CNTN4: variants seen among roughly 807,000 people sequenced by gnomAD.
CNTN4 encodes contactin-4.
A neutral mutation model predicts 122.5 loss-of-function variants in CNTN4; 77 were observed. The observed-to-expected ratio is 0.63, with a 90% CI of 0.52 to 0.76. CNTN4 has a LOEUF of 0.76. Among genes scored for constraint, CNTN4 ranks in the 30% least tolerant of loss-of-function variants. CNTN4 has a pLI of 0.00. For missense variants in CNTN4, 1,256 were observed against 1,259.1 expected, an observed-to-expected ratio of 1.00 and a Z score of 0.04; for synonymous variants, 512 against 447.0, an observed-to-expected ratio of 1.15 and a Z score of -1.83.
rs770730228 is a variant in CNTN4 at position 3,040,068 on chromosome 3, G to C, written c.2195G>C (p.Gly732Ala). 9.3e-6 allele frequency: 15 copies of C among 1,613,940 alleles called. No individual in the cohort carries two copies. The highest frequency in any genetic ancestry group is 1.3e-5 in the African/African-American group (1 of 74,940). The change falls in exon 20 of 25, where the codon GGC (glycine) becomes GCC (alanine). Residue 732 changes from glycine to alanine, a missense_variant. Physicochemically the swap from Gly to Ala is moderately conservative, Grantham distance 60. Transcript: ENST00000418658. ...CCTGAGGAATTACAGAATGGTCGAG[G>C]CTTTGGTTATGTGGTGGCCTTCCGG... Reference protein sequence around the residue: ...TVPEELQNGRGFGYVVAFRPY... With the variant: ...TVPEELQNGRAFGYVVAFRPY...
intron 3 of CNTN4, among the ~76,000 whole-genome samples, chr3:2,365,107 T>G (rs1026903436): frequency 6.6e-6 from 1 of 152,180 alleles, no homozygotes; most frequent in Non-Finnish European, 1.5e-5. Context: ...AATTTTTTTT[T>G]TATGATGACA....
rs2037196211 is a variant in CNTN4 at position 2,185,266 on chromosome 3, T to A, written c.-145+84627T>A. On this transcript the variant is annotated intron_variant, in intron 2 of 24. Coordinates refer to ENST00000418658, the MANE Select transcript of CNTN4 (RefSeq NM_175607.3). Reference sequence around the variant, plus strand: ...GAGTCTGTCTTCTTTGGGGCAGAAATGGGGACACATTGCTCACCACGGTCT... The same window carrying A: ...GAGTCTGTCTTCTTTGGGGCAGAAAAGGGGACACATTGCTCACCACGGTCT... Among the ~76,000 whole-genome samples, 3 of 152,172 alleles carry A rather than the reference T, an allele frequency of 2.0e-5. No individual in the cohort carries two copies. The South Asian group carries it at 6.2e-4, about 32-fold the overall frequency.
chr3:2,369,058 G>T (rs770868978), intron 3 of CNTN4, among the ~76,000 whole-genome samples: 2 of 152,044 alleles, frequency 1.3e-5, no homozygotes, highest in Admixed American at 1.3e-4. Context: ...CGAGTAGCTG[G>T]GATTACAGGC....
intron 3 of CNTN4, among the ~76,000 whole-genome samples, chr3:2,459,193 C>A (rs1037131002): frequency 6.6e-6 from 1 of 152,096 alleles, no homozygotes; most frequent in African/African-American, 2.4e-5. Context: ...TAACACTTTC[C>A]TAGGAAGATC....
intron 7 of CNTN4, among the ~76,000 whole-genome samples, chr3:2,857,544 G>A (rs186088440): frequency 6.6e-6 from 1 of 152,136 alleles, no homozygotes; most frequent in East Asian, 1.9e-4. Context: ...CTGGTTTGAT[G>A]GTTTGATCAC....
At chr3:2,509,901 T>C (rs984935824) in intron 3 of CNTN4, among the ~76,000 whole-genome samples, 3 of 152,178 alleles carry the variant, frequency 2.0e-5, no homozygotes, top group Non-Finnish European at 4.4e-5. Flanking sequence ...CCCAGAGCTC[T>C]TCTGATTGGC....
intron 4 of CNTN4, among the ~76,000 whole-genome samples, chr3:2,575,624 G>A (rs372353419): frequency 2.9e-4 from 44 of 152,156 alleles, no homozygotes; most frequent in South Asian, 1.7e-3. Context: ...AGGACCCACC[G>A]TCTAACCTTC....
At chr3:2,817,482 A>C (rs570889327) in intron 6 of CNTN4, among the ~76,000 whole-genome samples, 23 of 152,362 alleles carry the variant, frequency 1.5e-4, no homozygotes, top group Admixed American at 3.3e-4. Context: ...TACCAGATTA[A>C]TGAGATACAC....
intron 2 of CNTN4, among the ~76,000 whole-genome samples, chr3:2,185,430 T>C (rs1035808128): frequency 2.6e-5 from 4 of 152,176 alleles, no homozygotes; most frequent in Non-Finnish European, 5.9e-5. Flanking sequence ...GGCTCTAAAT[T>C]AGTATCCCAG....
intron 3 of CNTN4, among the ~76,000 whole-genome samples, chr3:2,346,151 T>G (rs3856838): frequency 2.0e-5 from 3 of 151,500 alleles, no homozygotes; most frequent in Non-Finnish European, 4.4e-5. Context: ...CTAAATGCTT[T>G]TCCACCTTCT....
At chr3:2,736,175 A>G (rs2089073193) in intron 4 of CNTN4, 40 bp from the exon 5 acceptor site, 2 of 1,602,896 alleles carry the variant, frequency 1.2e-6, no homozygotes, top group Non-Finnish European at 1.7e-6. Flanking sequence ...CCTATTTGGA[A>G]GGGATTCTTC....
At chr3:3,041,805 A>G (rs895082903) in intron 20 of CNTN4, among the ~76,000 whole-genome samples, 6 of 152,152 alleles carry the variant, frequency 3.9e-5, no homozygotes, top group Admixed American at 2.0e-4. Flanking sequence ...TTTACAAAAA[A>G]ACATTAGCCA....
chr3:2,418,526 T>C (rs954576063), intron 3 of CNTN4, among the ~76,000 whole-genome samples: 2 of 152,198 alleles, frequency 1.3e-5, no homozygotes, highest in Non-Finnish European at 2.9e-5. Flanking sequence ...TGTTTACTTT[T>C]GATTCTGTTA....
In CNTN4 at chr3:3,056,124, C is replaced by G; in HGVS notation, c.2985C>G (p.Ala995=). ...EQIRIPKISN[A]YARGSGASTS... ...GAATTTGTTCTCTCTTTTCAGATGC[C>G]TACGCGAGAGGATCTGGGGCTTCCA... Residue 995 remains alanine, a synonymous_variant, in exon 25 of 25, where the codon GCC becomes GCG. Transcript: ENST00000418658. The G allele has an allele frequency of 6.2e-7, 1 of 1,613,484 alleles. No homozygotes were observed. The highest frequency in any genetic ancestry group is 2.2e-5 in the East Asian group (1 of 44,878).
intron 4 of CNTN4, among the ~76,000 whole-genome samples, chr3:2,673,016 C>T (rs536910924): frequency 4.1e-4 from 63 of 152,138 alleles, no homozygotes; most frequent in Middle Eastern, 3.4e-3. Context: ...TACTACTTAC[C>T]GGTTTCCAAA....
chr3:2,403,424 A>T (rs2046927013), intron 3 of CNTN4, among the ~76,000 whole-genome samples: 1 of 152,124 alleles, frequency 6.6e-6, no homozygotes, highest in Non-Finnish European at 1.5e-5. Flanking sequence ...GCTTTTACTC[A>T]AAAAATTTGG....
chr3:2,352,828 T>G (rs1358570521), intron 3 of CNTN4, among the ~76,000 whole-genome samples: 1 of 152,200 alleles, frequency 6.6e-6, no homozygotes, highest in Non-Finnish European at 1.5e-5. Context: ...CCAGCTGGGC[T>G]GCTGAGTTTT....
chr3:2,858,113 C>T (rs1395293511), intron 7 of CNTN4, among the ~76,000 whole-genome samples: 1 of 152,224 alleles, frequency 6.6e-6, no homozygotes, highest in African/African-American at 2.4e-5. Flanking sequence ...AGCTGCTATT[C>T]ACCTTTGACA....
chr3:2,977,546 G>T (rs1304040584), intron 13 of CNTN4, among the ~76,000 whole-genome samples: 3 of 151,780 alleles, frequency 2.0e-5, no homozygotes, highest in African/African-American at 7.3e-5. Context: ...GCAAGTCTCT[G>T]TTAGCTGCTG....
Sources: gnomAD v4.1 joint callset for allele counts (sites outside exome capture counted in the v4.1 genomes callset) on GRCh38, gnomAD v4.1.1 for gene constraint, MANE v1.5 for transcripts, NCBI Gene and HGNC (gene_info 2026-07-23, HGNC 2026-07-21) for gene names.